The following INSR variants were observed in gnomAD, a reference collection of about 807,000 sequenced individuals.
INSR encodes the protein insulin receptor, also known as IR.
A neutral mutation model predicts 142.6 loss-of-function variants in INSR; 67 were observed. The observed-to-expected ratio is 0.47, with a 90% CI of 0.39 to 0.58. The LOEUF is 0.58. INSR is among the 20% of genes least tolerant of loss of function. The pLI is 0.00. For missense variants in INSR, 1,248 were observed against 1,833.2 expected, an observed-to-expected ratio of 0.68 and a Z score of 5.83; for synonymous variants, 756 against 743.1, an observed-to-expected ratio of 1.02 and a Z score of -0.28.
chr19:7,139,341 C>G (rs1257156124), intron 13 of INSR, among the ~76,000 whole-genome samples: 1 of 152,172 alleles, frequency 6.6e-6, no homozygotes, highest in African/African-American at 2.4e-5. Context: ...AGCTGTCAAT[C>G]CAAAAAGCTA....
rs146490822 is a variant in INSR at position 7,117,139 on chromosome 19, C to T, written c.4066G>A (p.Glu1356Lys). The T allele has an allele frequency of 5.6e-6, 9 of 1,614,002 alleles. No individual in the cohort carries two copies. The highest frequency in any genetic ancestry group is 1.3e-5 in the African/African-American group (1 of 74,914). Reference protein sequence around the residue: ...GSSLGFKRSYEEHIPYTHMNG... With the variant: ...GSSLGFKRSYKEHIPYTHMNG... ...ATGTGTGTGTAAGGGATGTGTTCCT[C>T]GTAGCTCCGCTTGAAACCCAGCGAG... The change falls in exon 22 of 22, where the codon GAG (glutamate) becomes AAG (lysine). Residue 1356 changes from glutamate (E) to lysine (K), a missense_variant. Glu to Lys is a moderately conservative substitution (Grantham distance 56). Around this residue, in one of 3 missense-constraint regions of INSR, gnomAD observed 122 missense variants for 129.8 expected, o/e 0.94. Coordinates refer to ENST00000302850, the MANE Select transcript of INSR (RefSeq NM_000208.4).
At chr19:7,271,672 G>A (rs906503969) in intron 1 of INSR, among the ~76,000 whole-genome samples, 9 of 152,032 alleles carry the variant, frequency 5.9e-5, no homozygotes, top group African/African-American at 1.7e-4. Context: ...GATACTATAC[G>A]TCCACACAAA....
At chr19:7,286,439 G>A (rs544411533) in intron 1 of INSR, among the ~76,000 whole-genome samples, 1 of 151,692 alleles carries the variant, frequency 6.6e-6, no homozygotes, top group East Asian at 2.0e-4. Context: ...CCAGGTTGGA[G>A]TGCAGTGGCA....
intron 17 of INSR, among the ~76,000 whole-genome samples, chr19:7,123,565 CCT>C (rs761680382): frequency 1.8e-4 from 28 of 152,270 alleles, no homozygotes; most frequent in Admixed American, 1.0e-3. Flanking sequence ...CAAATACACC[CCT>C]GTCCAACCCT....
chr19:7,163,326 C>A, intron 8 of INSR, 127 bp from the exon 9 acceptor site: 2 of 900,848 alleles, frequency 2.2e-6, no homozygotes, highest in Admixed American at 1.8e-5. Flanking sequence ...TTTGGGCGGC[C>A]AAGGCAGGCG....
At chr19:7,208,681 A>G (rs139730833) in intron 2 of INSR, among the ~76,000 whole-genome samples, 1 of 152,070 alleles carries the variant, frequency 6.6e-6, no homozygotes, top group Non-Finnish European at 1.5e-5. Context: ...ACCAGCTTAG[A>G]TAACATGGCA....
At chr19:7,243,469 C>A (rs1183821050) in intron 2 of INSR, among the ~76,000 whole-genome samples, 3 of 151,710 alleles carry the variant, frequency 2.0e-5, no homozygotes, top group Non-Finnish European at 4.4e-5. Context: ...TGGTCTCGAA[C>A]CCCTGACCTC....
chr19:7,242,535 C>T (rs1250615321), intron 2 of INSR, among the ~76,000 whole-genome samples: 1 of 151,536 alleles, frequency 6.6e-6, no homozygotes, highest in Non-Finnish European at 1.5e-5. Flanking sequence ...GTCAGGAGTT[C>T]GAGACCAGCC....
intron 2 of INSR, among the ~76,000 whole-genome samples, chr19:7,198,044 T>C (rs940823420): frequency 1.8e-4 from 27 of 151,580 alleles, no homozygotes; most frequent in East Asian, 5.8e-4. Context: ...GGCGTGTGTG[T>C]GTGTCTGCGT....
intron 2 of INSR, among the ~76,000 whole-genome samples, chr19:7,249,638 T>C (rs912068856): frequency 5.3e-5 from 8 of 152,014 alleles, no homozygotes; most frequent in Non-Finnish European, 1.0e-4. Flanking sequence ...GCTTGAGCCC[T>C]GGAGTTCAAG....
chr19:7,171,033 G>T (rs1161269566), intron 5 of INSR, among the ~76,000 whole-genome samples: 1 of 152,108 alleles, frequency 6.6e-6, no homozygotes, highest in Admixed American at 6.6e-5. Flanking sequence ...GCAAATAGGG[G>T]AAATACTGAT....
chr19:7,214,841 C>T (rs991994213), intron 2 of INSR, among the ~76,000 whole-genome samples: 1 of 143,492 alleles, frequency 7.0e-6, no homozygotes, highest in African/African-American at 2.6e-5. Context: ...TCCCTCCCTC[C>T]TTCCTTCCTT....
intron 3 of INSR, among the ~76,000 whole-genome samples, chr19:7,181,572 T>C (rs931586476): frequency 6.6e-6 from 1 of 151,646 alleles, no homozygotes; most frequent in African/African-American, 2.4e-5. Context: ...TTTTTTTTTT[T>C]TTTTTGGAGA....
At chr19:7,238,617 CA>C (rs796144540) in intron 2 of INSR, among the ~76,000 whole-genome samples, 24,945 of 68,306 alleles carry the variant, frequency 0.37, 1,766 homozygotes, top group East Asian at 0.5. Flanking sequence ...TGCTCCATCT[CA>C]AAAAAAAAAA....
At chr19:7,175,006 C>T (rs564000620) in intron 3 of INSR, among the ~76,000 whole-genome samples, 1 of 152,118 alleles carries the variant, frequency 6.6e-6, no homozygotes, top group South Asian at 2.1e-4. Flanking sequence ...CCGTGCCTGG[C>T]TAATTTTTGT....
intron 2 of INSR, among the ~76,000 whole-genome samples, chr19:7,221,378 A>AGG (rs373094731): frequency 7.1e-5 from 10 of 140,056 alleles, no homozygotes; most frequent in African/African-American, 1.9e-4. Context: ...TGTCAAAAAA[A>AGG]AGGAGGAGGA....
chr19:7,204,442 C>G (rs1282253237), intron 2 of INSR, among the ~76,000 whole-genome samples: 1 of 152,088 alleles, frequency 6.6e-6, no homozygotes, highest in Non-Finnish European at 1.5e-5. Context: ...CCTCGTTTTC[C>G]CGGGGGGCCA....
At chr19:7,246,619 T>C (rs1976543158) in intron 2 of INSR, among the ~76,000 whole-genome samples, 1 of 152,186 alleles carries the variant, frequency 6.6e-6, no homozygotes, top group Admixed American at 6.5e-5. Context: ...CGTTTCAGAG[T>C]AGTTTGTTAC....
At position 7,174,727 on chromosome 19, in the gene INSR, G is replaced by T; in HGVS notation, c.979C>A (p.Leu327Met). ...CAGGGACCCAGGCATGGGGTGCACA[G>T]CAAGCTAAGGACGGAGCAGAGAGAG... is the stretch of plus-strand genomic sequence containing the variant. ...SGYTMNSSNLLCTPCLGPCPK... is the reference protein window; with the variant it reads ...SGYTMNSSNLMCTPCLGPCPK... The change falls in exon 4 of 22, where the codon CTG becomes ATG. Residue 327 changes from leucine (L) to methionine (M), a missense_variant. Leu to Met is a conservative substitution (Grantham distance 15, BLOSUM62 2). Transcript: ENST00000302850. 4 of 1,611,550 alleles carry T rather than the reference G, an allele frequency of 2.5e-6. No homozygotes were observed. Among genetic ancestry groups the T allele is most frequent in the Non-Finnish European group, 3.4e-6 (4 of 1,179,030 alleles).
Sources: gnomAD v4.1 joint callset for allele counts (sites outside exome capture counted in the v4.1 genomes callset) on GRCh38, gnomAD v4.1.1 for gene constraint, gnomAD v4.1.1 regional missense constraint, MANE v1.5 for transcripts, NCBI Gene and HGNC (gene_info 2026-07-23, HGNC 2026-07-21) for gene names.